TMEM45A: variants seen among roughly 807,000 people sequenced by gnomAD.
The protein encoded by TMEM45A is transmembrane protein 45A.
TMEM45A carries 25 observed loss-of-function variants against 32.0 expected under a neutral mutation model. The ratio of observed to expected loss-of-function variants is 0.78; its 90% CI spans 0.57 to 1.09. The LOEUF (loss-of-function observed/expected upper bound fraction) is 1.09. Ranked by LOEUF, TMEM45A falls within the 50% of genes least tolerant of loss-of-function variation. TMEM45A has a pLI of 0.00. For missense variants in TMEM45A, 302 were observed against 325.0 expected, an observed-to-expected ratio of 0.93 and a Z score of 0.54; for synonymous variants, 122 against 114.8, an observed-to-expected ratio of 1.06 and a Z score of -0.40.
At chr3:100,539,454 T>C (rs1198306720) in intron 1 of TMEM45A, among the ~76,000 whole-genome samples, 1 of 120,874 alleles carries the variant, frequency 8.3e-6, no homozygotes, top group Non-Finnish European at 1.8e-5. Context: ...TATATGTATA[T>C]GTATATGTAT....
chr3:100,500,588 A>G (rs1455113014), intron 1 of TMEM45A, among the ~76,000 whole-genome samples: 1 of 152,182 alleles, frequency 6.6e-6, no homozygotes, highest in African/African-American at 2.4e-5. Flanking sequence ...GGACTCTCAC[A>G]TTCGTCTGTC....
intron 1 of TMEM45A, among the ~76,000 whole-genome samples, chr3:100,513,051 G>C (rs1708194194): frequency 6.7e-6 from 1 of 149,026 alleles, no homozygotes; most frequent in African/African-American, 2.5e-5. Flanking sequence ...GAGGTACAAG[G>C]AGGAACTGGT....
At chr3:100,544,893 T>C (rs1705954981) in intron 1 of TMEM45A, among the ~76,000 whole-genome samples, 1 of 152,192 alleles carries the variant, frequency 6.6e-6, no homozygotes, top group Non-Finnish European at 1.5e-5. Flanking sequence ...GTATGTTTAA[T>C]GTTATAAAAA....
intron 1 of TMEM45A, among the ~76,000 whole-genome samples, chr3:100,533,092 A>G (rs1705675184): frequency 6.6e-6 from 1 of 152,124 alleles, no homozygotes; most frequent in African/African-American, 2.4e-5. Flanking sequence ...GGTACATAAT[A>G]GGAGCCCAGT....
intron 4 of TMEM45A, among the ~76,000 whole-genome samples, chr3:100,566,060 G>A (rs541358955): frequency 2.6e-5 from 4 of 152,200 alleles, no homozygotes; most frequent in Admixed American, 1.3e-4. Context: ...CTTTTACTTA[G>A]TATAAATGTT....
At chr3:100,510,486 G>GA (rs1342775265) in intron 1 of TMEM45A, among the ~76,000 whole-genome samples, 1 of 152,190 alleles carries the variant, frequency 6.6e-6, no homozygotes, top group Non-Finnish European at 1.5e-5. Context: ...CATCATCAAA[G>GA]ACCAAAAGTA....
chr3:100,531,503 T>A (rs1705647093), intron 1 of TMEM45A, among the ~76,000 whole-genome samples: 1 of 152,252 alleles, frequency 6.6e-6, no homozygotes, highest in Admixed American at 6.5e-5. Context: ...ACTGCTTTAA[T>A]TATCAAGGGT....
At chr3:100,536,487 G>A (rs141273471) in intron 1 of TMEM45A, among the ~76,000 whole-genome samples, 19 of 152,256 alleles carry the variant, frequency 1.2e-4, no homozygotes, top group African/African-American at 3.9e-4. Context: ...TGTCCTGTCC[G>A]CAATGGCTAG....
intron 1 of TMEM45A, among the ~76,000 whole-genome samples, chr3:100,515,070 G>A (rs1361344699): frequency 1.9e-3 from 284 of 148,206 alleles, no homozygotes; most frequent in African/African-American, 6.9e-3. Flanking sequence ...TCAGTGTGGC[G>A]ATTCCTCAGG....
chr3:100,569,043 A>T, intron 5 of TMEM45A, 76 bp downstream of exon 5: 1 of 1,446,154 alleles, frequency 6.9e-7, no homozygotes, highest in Non-Finnish European at 9.5e-7. Flanking sequence ...TATTGAATTT[A>T]AAATTCAAAA....
At chr3:100,544,827 G>A (rs1324434493) in intron 1 of TMEM45A, among the ~76,000 whole-genome samples, 1 of 152,132 alleles carries the variant, frequency 6.6e-6, no homozygotes, top group Non-Finnish European at 1.5e-5. Context: ...TGTGGACATC[G>A]TTTTCATTTC....
At chr3:100,558,308 G>T in intron 3 of TMEM45A, 97 bp from the exon 4 acceptor site, 7 of 1,445,432 alleles carry the variant, frequency 4.8e-6, no homozygotes, top group Non-Finnish European at 2.9e-6. Flanking sequence ...ACAAATGTGT[G>T]TATGTGTAAA....
In TMEM45A at chr3:100,568,772, T is replaced by G. The variant is rs1212815589; in HGVS notation, c.589-50T>G. 9 of 1,528,398 alleles carry G rather than the reference T, an allele frequency of 5.9e-6. No individual in the cohort carries two copies. In the East Asian group the frequency reaches 1.1e-4, roughly 19 times the overall value. 94.7% of individuals were successfully genotyped at this position (1,528,398 alleles called of 1,614,324 possible). Reference sequence around the variant, plus strand: ...CAAGTATTTTGAAATGTACCATTTTTGGGAATGTGATTGGTTATTTTAATA... The same window carrying G: ...CAAGTATTTTGAAATGTACCATTTTGGGGAATGTGATTGGTTATTTTAATA... On this transcript the variant is annotated intron_variant, in intron 4 of 5. Coordinates refer to ENST00000323523, the MANE Select transcript of TMEM45A (RefSeq NM_018004.3).
chr3:100,548,124 G>A (rs988763459), intron 1 of TMEM45A, among the ~76,000 whole-genome samples: 1 of 152,126 alleles, frequency 6.6e-6, no homozygotes, highest in Non-Finnish European at 1.5e-5. Context: ...CTCTAGAGTG[G>A]TTATTTTCTT....
At chr3:100,556,654 T>A in intron 2 of TMEM45A, 106 bp from the exon 3 acceptor site, 1 of 1,080,248 alleles carries the variant, frequency 9.3e-7, no homozygotes, top group South Asian at 1.4e-5. Context: ...AGAATTAATG[T>A]CAAAAGAGGA....
At chr3:100,550,218 T>A (rs200810656) in intron 1 of TMEM45A, among the ~76,000 whole-genome samples, 233 of 50,680 alleles carry the variant, frequency 4.6e-3, no homozygotes, top group Middle Eastern at 0.026. Context: ...GAAAAAAAAA[T>A]AAATCCTTAA....
At chr3:100,564,914 A>G (rs1337581646) in intron 4 of TMEM45A, among the ~76,000 whole-genome samples, 2 of 152,214 alleles carry the variant, frequency 1.3e-5, no homozygotes, top group Non-Finnish European at 2.9e-5. Flanking sequence ...ACCACCTTCC[A>G]TCTCAGTACT....
intron 1 of TMEM45A, among the ~76,000 whole-genome samples, chr3:100,522,860 G>C (rs1396336213): frequency 6.6e-6 from 1 of 152,218 alleles, no homozygotes; most frequent in Non-Finnish European, 1.5e-5. Flanking sequence ...CTTTGAAGAT[G>C]ATCCTAGAGG....
At chr3:100,551,660 A>C (rs1383834113) in intron 1 of TMEM45A, among the ~76,000 whole-genome samples, 1 of 152,224 alleles carries the variant, frequency 6.6e-6, no homozygotes, top group African/African-American at 2.4e-5. Context: ...TCACAATGAA[A>C]ATGAAATAAG....
Sources: gnomAD v4.1 joint callset for allele counts (sites outside exome capture counted in the v4.1 genomes callset) on GRCh38, gnomAD v4.1.1 for gene constraint, MANE v1.5 for transcripts, NCBI Gene and HGNC (gene_info 2026-07-23, HGNC 2026-07-21) for gene names.